The following OSBPL11 variants were observed in gnomAD, a reference collection of about 807,000 sequenced individuals.
The protein encoded by OSBPL11 is oxysterol-binding protein-related protein 11.
Under a neutral mutation model 84.4 loss-of-function variants are expected in OSBPL11, and 33 were observed. The observed-to-expected ratio is 0.39, with a 90% CI of 0.30 to 0.52. The LOEUF is 0.52. Ranked by LOEUF, OSBPL11 falls within the 20% of genes least tolerant of loss-of-function variation. The pLI is 0.72. For synonymous variants in OSBPL11, 276 were observed against 310.2 expected (o/e 0.89, Z 1.16); for missense variants, 736 against 901.1 (o/e 0.82, Z 2.35).
chr3:125,530,465 T>C lies in OSBPL11; in HGVS notation c.*50A>G. 1 of 1,521,812 alleles carries C rather than the reference T, an allele frequency of 6.6e-7. No individual in the cohort carries two copies. The highest frequency in any genetic ancestry group is 2.2e-5 in the East Asian group (1 of 44,460). The allele number at this position is 1,521,812 out of a possible 1,614,324, so 94.3% of individuals were successfully genotyped here. A position where few individuals can be genotyped will look rare whatever the true frequency, so the allele number is the denominator to read the frequency against. The stretch of plus-strand genomic sequence containing the variant: ...GCAATGACTCCATTCTGGGAGGATT[T>C]AGGGTAAACAGAGAAGAACCTCATT... On this transcript the variant is annotated 3_prime_UTR_variant, in exon 13 of 13. Coordinates refer to ENST00000296220, the MANE Select transcript of OSBPL11 (RefSeq NM_022776.5).
chr3:125,558,782 A>C (rs1358006883), intron 8 of OSBPL11, among the ~76,000 whole-genome samples: 3 of 152,226 alleles, frequency 2.0e-5, no homozygotes, highest in Non-Finnish European at 4.4e-5. Context: ...AAACTGGCCT[A>C]AAATTAAAAA....
intron 5 of OSBPL11, among the ~76,000 whole-genome samples, chr3:125,569,678 T>C (rs2107603862): frequency 6.6e-6 from 1 of 152,314 alleles, no homozygotes; most frequent in Admixed American, 6.5e-5. Context: ...GCAACTCATG[T>C]CCATCAACAC....
At chr3:125,533,204 C>T (rs1046622032) in intron 11 of OSBPL11, among the ~76,000 whole-genome samples, 4 of 148,054 alleles carry the variant, frequency 2.7e-5, no homozygotes, top group Non-Finnish European at 4.5e-5. Context: ...TCCCTCCCTC[C>T]CTTCTCTCTC....
rs562768337 is a variant in OSBPL11, at chr3:125,534,454, A to C, written c.2025-2440T>G. 4.6e-5 allele frequency among the ~76,000 whole-genome samples: 7 copies of C among 152,192 alleles called. No homozygotes were observed. In the East Asian group the frequency reaches 1.4e-3, roughly 29 times the overall value. On this transcript the variant is annotated intron_variant, in intron 11 of 12. Transcript: ENST00000296220. ...AGAATCATTAAACAAACCTAAATAAAGAATTAAAATCATACAAAGTATATT... is the reference window on the plus strand; with the variant it reads ...AGAATCATTAAACAAACCTAAATAACGAATTAAAATCATACAAAGTATATT...
intron 1 of OSBPL11, among the ~76,000 whole-genome samples, chr3:125,583,968 T>C (rs1936467188): frequency 6.6e-6 from 1 of 152,146 alleles, no homozygotes; most frequent in Non-Finnish European, 1.5e-5. Flanking sequence ...AGCAGCTCTT[T>C]GAGGCCATAG....
In OSBPL11 at chr3:125,557,791, CTTTTTTT is replaced by C. The variant is rs11295103; in HGVS notation, c.1155+2581_1155+2587del. Among the ~76,000 whole-genome samples, 293 of 81,968 alleles carry C rather than the reference CTTTTTTT, an allele frequency of 3.6e-3. 1 individual carries two copies. Among genetic ancestry groups the C allele is most frequent in the Middle Eastern group, 0.022 (2 of 92 alleles). 53.8% of individuals were successfully genotyped at this position (81,968 alleles called of 152,430 possible). On this transcript the variant is annotated intron_variant, in intron 8 of 12. Coordinates refer to ENST00000296220, the MANE Select transcript of OSBPL11 (RefSeq NM_022776.5). ...ATATATGTGTAACACATACAACTTT[CTTTTTTT>C]TTTTTTTTTTTTTTTTTGAGACAGG...
chr3:125,551,184 AATT>A (rs71629414), intron 9 of OSBPL11, among the ~76,000 whole-genome samples: 7,899 of 67,898 alleles, frequency 0.12, 315 homozygotes, highest in Non-Finnish European at 0.14. Flanking sequence ...AAAAAAAAAA[AATT>A]AAATTAAATT....
intron 1 of OSBPL11, among the ~76,000 whole-genome samples, chr3:125,589,429 C>T (rs567239674): frequency 6.6e-6 from 1 of 150,498 alleles, no homozygotes; most frequent in African/African-American, 2.4e-5. Flanking sequence ...TATTAATAAA[C>T]CAACTCTTGC....
Position 125,579,806 on chromosome 3 carries a change from C to T in OSBPL11, c.409+59G>A, listed in dbSNP as rs1291530316. ...AAAGCCCATATGAAAGCATGTAAGA[C>T]ACCAACTTCTCAAAAAAAGAGGAAA... On this transcript the variant is annotated intron_variant, in intron 3 of 12. Transcript: ENST00000296220. 1.1e-5 allele frequency: 17 copies of T among 1,505,244 alleles called. No individual in the cohort carries two copies. In the Admixed American group the frequency reaches 2.4e-4, roughly 21 times the overall value. The allele number at this position is 1,505,244 out of a possible 1,614,324, so 93.2% of individuals were successfully genotyped here. A position where few individuals can be genotyped will look rare whatever the true frequency, so the allele number is the denominator to read the frequency against.
Position 125,531,861 on chromosome 3 carries a change from C to T in OSBPL11, c.2178G>A (p.Glu726=), listed in dbSNP as rs775228284. ...TATCTTGAACACATGTACAGCATAC[C>T]TCTTTAATAAAATATTTGGTTTTCC... ...TPWKTKYFIK[E]GDGWVYHKPL... Residue 726 remains glutamate (E), a splice_region_variant and synonymous_variant, in exon 12 of 13, where the codon GAG becomes GAA. Transcript: ENST00000296220. 7 of 1,608,954 alleles carry T rather than the reference C, an allele frequency of 4.4e-6. No individual in the cohort carries two copies. In the South Asian group the frequency reaches 7.8e-5, roughly 18 times the overall value.
At chr3:125,543,395 G>A (rs1003065157) in intron 10 of OSBPL11, among the ~76,000 whole-genome samples, 12 of 151,644 alleles carry the variant, frequency 7.9e-5, no homozygotes, top group Admixed American at 7.2e-4. Flanking sequence ...GCCTCCCAAA[G>A]TACTGAGATT....
At position 125,576,319 on chromosome 3, in the gene OSBPL11, C is replaced by T; in HGVS notation, c.536G>A (p.Ser179Asn). ...KSRSFSLASS[S>N]NSPISQRRPS... is the part of the protein sequence containing the mutation. ...TCTCCTCTGCGATATAGGAGAATTA[C>T]TACTAGATGCAAGTGAGAAGCTCCG... Residue 179 changes from serine (S) to asparagine (N), a missense_variant, in exon 5 of 13, where the codon AGT becomes AAT. This residue lies in a region of OSBPL11 where 579 missense variants were observed against 717.6 expected (regional missense o/e 0.81). Transcript: ENST00000296220. The T allele has an allele frequency of 6.2e-7, 1 of 1,605,080 alleles. No individual in the cohort carries two copies. The highest frequency in any genetic ancestry group is 1.1e-5 in the South Asian group (1 of 89,072).
chr3:125,572,040 A>G (rs569412614), intron 5 of OSBPL11, among the ~76,000 whole-genome samples: 1 of 152,384 alleles, frequency 6.6e-6, no homozygotes, highest in East Asian at 1.9e-4. Context: ...TGTGCCCTGC[A>G]AAGCCACGGG....
Position 125,595,383 on chromosome 3 carries a change from G to C in OSBPL11, c.-583C>G, listed in dbSNP as rs1208698397. Among the ~76,000 whole-genome samples, 1 of 152,150 alleles carries C rather than the reference G, an allele frequency of 6.6e-6. No homozygotes were observed. The highest frequency in any genetic ancestry group is 1.5e-5 in the Non-Finnish European group (1 of 68,014). ...CCGGCTCCCGGGGCCGCCTCTCCCA[G>C]GGCCAGAGGCGAGCCACTCGGGACA... On this transcript the variant is annotated 5_prime_UTR_variant, in exon 1 of 13. Coordinates refer to ENST00000296220, the MANE Select transcript of OSBPL11 (RefSeq NM_022776.5).
chr3:125,538,844 A>C (rs901888540), intron 10 of OSBPL11, among the ~76,000 whole-genome samples: 1 of 152,166 alleles, frequency 6.6e-6, no homozygotes, highest in African/African-American at 2.4e-5. Flanking sequence ...AATCTTTAGG[A>C]AAAAGGCCAG....
intron 10 of OSBPL11, among the ~76,000 whole-genome samples, chr3:125,546,358 A>C (rs1293956044): frequency 6.6e-6 from 1 of 150,698 alleles, no homozygotes; most frequent in Non-Finnish European, 1.5e-5. Flanking sequence ...TTTGAGACGG[A>C]GTTTCACTCT....
intron 4 of OSBPL11, among the ~76,000 whole-genome samples, chr3:125,578,614 T>A (rs942368326): frequency 1.3e-5 from 2 of 151,982 alleles, no homozygotes; most frequent in Admixed American, 1.3e-4. Context: ...TGACTAAAAG[T>A]ACAAAAATAA....
intron 8 of OSBPL11, among the ~76,000 whole-genome samples, chr3:125,556,147 A>G (rs899972688): frequency 4.6e-5 from 7 of 152,260 alleles, no homozygotes; most frequent in African/African-American, 1.7e-4. Flanking sequence ...CGGATACAGT[A>G]AACGGATTAG....
At chr3:125,572,037 T>C (rs1936251255) in intron 5 of OSBPL11, among the ~76,000 whole-genome samples, 1 of 152,244 alleles carries the variant, frequency 6.6e-6, no homozygotes. Context: ...GGCTGTGCCC[T>C]GCAAAGCCAC....
Sources: gnomAD v4.1 joint callset for allele counts (sites outside exome capture counted in the v4.1 genomes callset) on GRCh38, gnomAD v4.1.1 for gene constraint, gnomAD v4.1.1 regional missense constraint, MANE v1.5 for transcripts, NCBI Gene and HGNC (gene_info 2026-07-23, HGNC 2026-07-21) for gene names.